Variants in RRAS2 observed in about 807,000 individuals in gnomAD.
RRAS2 encodes the protein RAS related 2, also known as ras-related protein R-Ras2.
In RRAS2, 7 loss-of-function variants were observed where a neutral mutation model predicts 27.6. That is an observed-to-expected ratio of 0.25 (90% CI 0.14 to 0.48). The LOEUF is 0.48. Ranked by LOEUF, RRAS2 falls within the 20% of genes least tolerant of loss-of-function variation. The probability of loss-of-function intolerance (pLI) is 0.99; values close to 1 mark genes in which losing one functional copy is unlikely to be tolerated. For synonymous variants in RRAS2, 86 were observed against 90.9 expected, an observed-to-expected ratio of 0.95 and a Z score of 0.31; for missense variants, 178 against 256.2, an observed-to-expected ratio of 0.69 and a Z score of 2.08.
At chr11:14,291,107 T>C (rs1296550787) in intron 4 of RRAS2, among the ~76,000 whole-genome samples, 1 of 152,110 alleles carries the variant, frequency 6.6e-6, no homozygotes, top group Non-Finnish European at 1.5e-5. Flanking sequence ...ACCTGTGCAC[T>C]CATGTTAGTA....
intron 1 of RRAS2, among the ~76,000 whole-genome samples, chr11:14,344,716 T>A (rs1848791825): frequency 6.6e-6 from 1 of 152,226 alleles, no homozygotes; most frequent in Non-Finnish European, 1.5e-5. Flanking sequence ...CAGACTGTTG[T>A]ATACTTCCCA....
chr11:14,291,949 T>C (rs2133957409), intron 4 of RRAS2, among the ~76,000 whole-genome samples: 1 of 152,304 alleles, frequency 6.6e-6, no homozygotes, highest in Middle Eastern at 3.4e-3. Flanking sequence ...AAACACAAAA[T>C]TTACTTTTTA....
chr11:14,311,429 CAAT>C (rs1554948835), intron 1 of RRAS2, among the ~76,000 whole-genome samples: 2 of 152,340 alleles, frequency 1.3e-5, no homozygotes, highest in East Asian at 3.9e-4. Flanking sequence ...TGCAGTGGCA[CAAT>C]CTCGGCTCAC....
At chr11:14,326,601 C>T (rs1246926153) in intron 1 of RRAS2, among the ~76,000 whole-genome samples, 4 of 152,090 alleles carry the variant, frequency 2.6e-5, no homozygotes, top group Admixed American at 2.0e-4. Context: ...TATCTTTATA[C>T]CAGCTGACTT....
At chr11:14,295,069 G>C (rs1170248359) in intron 2 of RRAS2, among the ~76,000 whole-genome samples, 1 of 152,110 alleles carries the variant, frequency 6.6e-6, no homozygotes, top group South Asian at 2.1e-4. Flanking sequence ...TCATCAGTAT[G>C]GGTTGACTTT....
At chr11:14,326,157 G>C (rs895386925) in intron 1 of RRAS2, among the ~76,000 whole-genome samples, 1 of 152,224 alleles carries the variant, frequency 6.6e-6, no homozygotes, top group African/African-American at 2.4e-5. Flanking sequence ...TCCAAAAATA[G>C]TAGTAAAGAA....
upstream of RRAS2, among the ~76,000 whole-genome samples, chr11:14,362,622 C>G (rs1187128008): frequency 6.6e-6 from 1 of 152,156 alleles, no homozygotes; most frequent in Admixed American, 6.5e-5. Flanking sequence ...TAAGTACATA[C>G]ATTTTCATGA....
chr11:14,349,308 C>T (rs1450701340), intron 1 of RRAS2, among the ~76,000 whole-genome samples: 4 of 151,676 alleles, frequency 2.6e-5, no homozygotes, highest in Non-Finnish European at 5.9e-5. Context: ...CCCGCCACCA[C>T]ACCCGGCTAA....
chr11:14,347,315 G>A (rs1303012230), intron 1 of RRAS2, among the ~76,000 whole-genome samples: 1 of 152,116 alleles, frequency 6.6e-6, no homozygotes, highest in African/African-American at 2.4e-5. Flanking sequence ...ATTAACTATT[G>A]TAATTGTAAT....
At chr11:14,288,167 C>T (rs1167341231) in intron 4 of RRAS2, among the ~76,000 whole-genome samples, 1 of 152,024 alleles carries the variant, frequency 6.6e-6, no homozygotes, top group African/African-American at 2.4e-5. Flanking sequence ...TTAGTAGAGG[C>T]AGGGTCCTGC....
At chr11:14,330,591 C>T (rs1315199382) in intron 1 of RRAS2, among the ~76,000 whole-genome samples, 1 of 151,914 alleles carries the variant, frequency 6.6e-6, no homozygotes, top group Non-Finnish European at 1.5e-5. Flanking sequence ...ATGAGGGGGA[C>T]GTCTTTATCA....
chr11:14,322,276 CA>C (rs34223441), intron 1 of RRAS2, among the ~76,000 whole-genome samples: 282 of 139,224 alleles, frequency 2.0e-3, no homozygotes, highest in African/African-American at 2.2e-3. Flanking sequence ...ACCAAAAATA[CA>C]AAAAAAAAAA....
At chr11:14,347,101 T>C (rs1315385437) in intron 1 of RRAS2, among the ~76,000 whole-genome samples, 1 of 152,182 alleles carries the variant, frequency 6.6e-6, no homozygotes, top group Admixed American at 6.5e-5. Flanking sequence ...GTTTCAATGT[T>C]GCAGTAAGCT....
At chr11:14,282,464 A>G (rs147602983) in intron 4 of RRAS2, among the ~76,000 whole-genome samples, 74 of 152,332 alleles carry the variant, frequency 4.9e-4, no homozygotes, top group African/African-American at 1.4e-3. Context: ...ATAAGAAAAC[A>G]TAAACTGAAT....
At chr11:14,295,468 G>A (rs568847575) in intron 2 of RRAS2, among the ~76,000 whole-genome samples, 5 of 152,268 alleles carry the variant, frequency 3.3e-5, no homozygotes, top group Non-Finnish European at 2.9e-5. Context: ...CAAAAGGTAG[G>A]AAGAGTTGAG....
At chr11:14,305,463 G>C (rs1406140921) in intron 1 of RRAS2, among the ~76,000 whole-genome samples, 2 of 152,150 alleles carry the variant, frequency 1.3e-5, no homozygotes, top group East Asian at 1.9e-4. Context: ...GACAGAGCCA[G>C]GCCTAAACAA....
In RRAS2 at chr11:14,364,338, G is replaced by T; in HGVS notation, c.-124+53C>A. The T allele has an allele frequency of 7.9e-6, 12 of 1,524,326 alleles. No homozygotes were observed. The South Asian group carries it at 1.4e-4, about 18-fold the overall frequency. 94.4% of individuals were successfully genotyped at this position (1,524,326 alleles called of 1,614,324 possible). On this transcript the variant is annotated intron_variant, in intron 1 of 5. Coordinates refer to the RRAS2 transcript ENST00000529237. ...CTGTAGCTACAACAGACAGAGCCAA[G>T]ACCTGTTGGCCAAAGAAGGCCAAGC...
intron 1 of RRAS2, among the ~76,000 whole-genome samples, chr11:14,357,752 T>C (rs1241338472): frequency 6.6e-6 from 1 of 152,222 alleles, no homozygotes; most frequent in Non-Finnish European, 1.5e-5. Flanking sequence ...ATACTCTAGA[T>C]ACTGTGAAAA....
At chr11:14,349,424 A>G (rs1408985094) in intron 1 of RRAS2, among the ~76,000 whole-genome samples, 1 of 151,248 alleles carries the variant, frequency 6.6e-6, no homozygotes, top group Non-Finnish European at 1.5e-5. Context: ...AGCCTCCCAA[A>G]GTGCTGGGAT....
Sources: gnomAD v4.1 joint callset for allele counts (sites outside exome capture counted in the v4.1 genomes callset) on GRCh38, gnomAD v4.1.1 for gene constraint, MANE v1.5 for transcripts, NCBI Gene and HGNC (gene_info 2026-07-23, HGNC 2026-07-21) for gene names.